Variants in AFG1L observed in about 807,000 individuals in gnomAD.
AFG1L encodes AFG1 like ATPase, also known as AFG1-like ATPase.
Under a neutral mutation model 62.2 loss-of-function variants are expected in AFG1L, and 53 were observed. That is an observed-to-expected ratio of 0.85 (90% CI 0.68 to 1.07). The LOEUF (loss-of-function observed/expected upper bound fraction) is 1.07. AFG1L is among the 50% of genes least tolerant of loss of function. The probability of loss-of-function intolerance (pLI) is 0.00; values close to 1 mark genes in which losing one functional copy is unlikely to be tolerated. For missense variants in AFG1L, 555 were observed against 590.5 expected, an observed-to-expected ratio of 0.94 and a Z score of 0.62; for synonymous variants, 228 against 210.3, an observed-to-expected ratio of 1.08 and a Z score of -0.73.
chr6:108,308,770 C>A lies in AFG1L; in HGVS notation c.139+13552C>A, dbSNP rs2114834022. Among the ~76,000 whole-genome samples, 5 of 152,212 alleles carry A rather than the reference C, an allele frequency of 3.3e-5. No homozygotes were observed. In the South Asian group the frequency reaches 1.0e-3, roughly 32 times the overall value. ...CCAGGCTGGAGTACAGTGGCACAAT[C>A]TTGGCTCACTGCAGCCTCTCCACCT... On this transcript the variant is annotated intron_variant, in intron 1 of 12. Coordinates refer to ENST00000368977, the MANE Select transcript of AFG1L (RefSeq NM_145315.5).
intron 9 of AFG1L, 92 bp downstream of exon 9, chr6:108,477,027 G>A: frequency 8.5e-7 from 1 of 1,179,062 alleles, no homozygotes; most frequent in Non-Finnish European, 1.3e-6. Context: ...TGCTGTATAT[G>A]GGTTGATGCC....
At chr6:108,487,395 C>T (rs1773612873) in intron 10 of AFG1L, among the ~76,000 whole-genome samples, 1 of 152,220 alleles carries the variant, frequency 6.6e-6, no homozygotes, top group Non-Finnish European at 1.5e-5. Context: ...AAAAAAGATA[C>T]TATTTTGCTG....
At chr6:108,461,730 A>T (rs987276394) in intron 8 of AFG1L, among the ~76,000 whole-genome samples, 1 of 152,186 alleles carries the variant, frequency 6.6e-6, no homozygotes, top group Non-Finnish European at 1.5e-5. Context: ...AATTGCTGGG[A>T]TTACAGGCAT....
intron 2 of AFG1L, among the ~76,000 whole-genome samples, chr6:108,326,078 A>AT (rs919150521): frequency 2.3e-4 from 34 of 150,528 alleles, no homozygotes; most frequent in South Asian, 8.4e-4. Context: ...TGCCTGGCCT[A>AT]TTTTTTTTTG....
chr6:108,392,015 T>A (rs566106282), intron 6 of AFG1L: 4 of 152,316 alleles, frequency 2.6e-5, no homozygotes, highest in African/African-American at 9.6e-5. Flanking sequence ...ATTAATGATA[T>A]GTCATATTTT....
chr6:108,489,061 A>G (rs1372876430), intron 10 of AFG1L, among the ~76,000 whole-genome samples: 1 of 152,244 alleles, frequency 6.6e-6, no homozygotes, highest in South Asian at 2.1e-4. Flanking sequence ...AGTAGAGCAC[A>G]GCCAACACTT....
intron 6 of AFG1L, among the ~76,000 whole-genome samples, chr6:108,369,989 T>TATCTATC (rs1215848014): frequency 1.3e-4 from 20 of 151,706 alleles, no homozygotes; most frequent in African/African-American, 4.1e-4. Flanking sequence ...TCTATCTATC[T>TATCTATC]TTTAAAATAG....
chr6:108,330,283 C>T (rs1778224073), intron 2 of AFG1L, among the ~76,000 whole-genome samples: 1 of 148,606 alleles, frequency 6.7e-6, no homozygotes, highest in South Asian at 2.1e-4. Context: ...TCAAGCGATT[C>T]TCTTGCCTCA....
At chr6:108,392,414 G>A (rs1355035799) in intron 6 of AFG1L, among the ~76,000 whole-genome samples, 11 of 152,130 alleles carry the variant, frequency 7.2e-5, no homozygotes, top group Admixed American at 6.5e-4. Flanking sequence ...TTAGACTTGG[G>A]TCTTACTTAT....
Position 108,477,265 on chromosome 6 carries a change from C to A in AFG1L, c.1035C>A (p.Asp345Glu). The A allele has an allele frequency of 1.2e-6, 2 of 1,608,920 alleles. No individual in the cohort carries two copies. The highest frequency in any genetic ancestry group is 4.5e-5 in the East Asian group (2 of 44,692). Reference protein sequence around the residue: ...RLNKACGTVADCTFEELCERP... With the variant: ...RLNKACGTVAECTFEELCERP... Reference sequence around the variant, plus strand: ...ATAAAGCCTGTGGAACCGTTGCCGACTGCACATTTGAAGAGCTGTGTGAGA... The same window carrying A: ...ATAAAGCCTGTGGAACCGTTGCCGAATGCACATTTGAAGAGCTGTGTGAGA... The change falls in exon 10 of 13, where the codon GAC (aspartate) becomes GAA (glutamate). Residue 345 changes from aspartate (D) to glutamate (E), a missense_variant. Asp to Glu is a conservative substitution (Grantham distance 45). Coordinates refer to ENST00000368977, the MANE Select transcript of AFG1L (RefSeq NM_145315.5).
intron 11 of AFG1L, among the ~76,000 whole-genome samples, chr6:108,511,255 T>C (rs781657707): frequency 3.3e-5 from 5 of 152,088 alleles, no homozygotes; most frequent in African/African-American, 4.8e-5. Flanking sequence ...CTTCTGAATA[T>C]TGAAGCTCTC....
At chr6:108,377,649 G>T (rs1027158444) in intron 6 of AFG1L, among the ~76,000 whole-genome samples, 1 of 151,928 alleles carries the variant, frequency 6.6e-6, no homozygotes, top group South Asian at 2.1e-4. Context: ...TACATAATCT[G>T]CCCCTTTTCT....
intron 7 of AFG1L, among the ~76,000 whole-genome samples, chr6:108,427,797 C>A (rs1271269171): frequency 6.6e-6 from 1 of 152,184 alleles, no homozygotes; most frequent in Non-Finnish European, 1.5e-5. Context: ...GCTGGGATTA[C>A]AGGCGTGAGC....
At chr6:108,350,850 A>G (rs1277828325) in intron 3 of AFG1L, among the ~76,000 whole-genome samples, 1 of 152,178 alleles carries the variant, frequency 6.6e-6, no homozygotes, top group Non-Finnish European at 1.5e-5. Flanking sequence ...GGTGAAAGGT[A>G]GGCTGGTTTT....
At chr6:108,405,667 G>T (rs1278330445) in intron 7 of AFG1L, among the ~76,000 whole-genome samples, 5 of 152,112 alleles carry the variant, frequency 3.3e-5, no homozygotes, top group Admixed American at 3.3e-4. Context: ...ATTTTTAAGG[G>T]TACAGTTCAG....
At chr6:108,395,006 T>C (rs1781226919) in intron 6 of AFG1L, among the ~76,000 whole-genome samples, 1 of 152,184 alleles carries the variant, frequency 6.6e-6, no homozygotes, top group Admixed American at 6.5e-5. Flanking sequence ...GAGGTGTTTA[T>C]TATAGGGAAG....
intron 7 of AFG1L, among the ~76,000 whole-genome samples, chr6:108,425,533 A>T (rs1399080365): frequency 6.6e-6 from 1 of 152,064 alleles, no homozygotes; most frequent in African/African-American, 2.4e-5. Flanking sequence ...AGATCATCTT[A>T]CCTAAGATTG....
intron 10 of AFG1L, among the ~76,000 whole-genome samples, chr6:108,486,723 T>C (rs922011132): frequency 2.0e-5 from 3 of 152,136 alleles, no homozygotes; most frequent in Admixed American, 2.0e-4. Context: ...TTCTTTTTCT[T>C]TTTCTTTTTT....
intron 1 of AFG1L, among the ~76,000 whole-genome samples, chr6:108,316,433 C>T (rs934309874): frequency 3.4e-5 from 5 of 147,420 alleles, no homozygotes; most frequent in Non-Finnish European, 5.9e-5. Context: ...ATTTAAAGGA[C>T]TTGCCTCAGA....
Sources: allele counts gnomAD v4.1 joint callset (sites outside exome capture counted in the v4.1 genomes callset), GRCh38; gene constraint gnomAD v4.1.1; transcripts MANE v1.5; gene names NCBI Gene and HGNC (gene_info 2026-07-23, HGNC 2026-07-21).